PARD3B: variants seen among roughly 807,000 people sequenced by gnomAD.
PARD3B encodes par-3 family cell polarity regulator beta, also known as partitioning defective 3 homolog B.
Under a neutral mutation model 130.2 loss-of-function variants are expected in PARD3B, and 103 were observed. That is an observed-to-expected ratio of 0.79 (90% CI 0.67 to 0.93). The LOEUF is 0.93. PARD3B is among the 40% of genes least tolerant of loss of function. PARD3B has a pLI of 0.00. For synonymous variants in PARD3B, 583 were observed against 553.2 expected (o/e 1.05, Z -0.76); for missense variants, 1,609 against 1,499.2 (o/e 1.07, Z -1.21).
chr2:205,616,185 A>C lies in PARD3B; in HGVS notation c.*372A>C. The C allele has an allele frequency of 5.2e-6, 1 of 191,246 alleles. No individual in the cohort carries two copies. Among genetic ancestry groups the C allele is most frequent in the Non-Finnish European group, 1.1e-5 (1 of 94,334 alleles). The allele number at this position is 191,246 out of a possible 1,614,324, so 11.8% of individuals were successfully genotyped here. A position where few individuals can be genotyped will look rare whatever the true frequency, so the allele number is the denominator to read the frequency against. On this transcript the variant is annotated 3_prime_UTR_variant, in exon 23 of 23. Coordinates refer to ENST00000406610, the MANE Select transcript of PARD3B (RefSeq NM_001302769.2). ...TGTGCTGATGTGCAGACACGTGGAC[A>C]TCCCCCTCTGAGACTGGCGGTCCAG... is the stretch of plus-strand genomic sequence containing the variant.
chr2:204,635,400 A>G (rs2034839337), intron 1 of PARD3B, among the ~76,000 whole-genome samples: 1 of 152,206 alleles, frequency 6.6e-6, no homozygotes, highest in African/African-American at 2.4e-5. Flanking sequence ...AAGATTACAT[A>G]TGTATGTCTT....
At chr2:204,984,694 T>C (rs1692977358) in intron 3 of PARD3B, among the ~76,000 whole-genome samples, 1 of 151,990 alleles carries the variant, frequency 6.6e-6, no homozygotes, top group Non-Finnish European at 1.5e-5. Flanking sequence ...CCAGATGTCA[T>C]GGTTAGGAGG....
rs999582059 is a variant in PARD3B at position 205,458,297 on chromosome 2, C to T, written c.3044+17625C>T. 6.6e-6 allele frequency among the ~76,000 whole-genome samples: 1 copy of T among 152,136 alleles called. No homozygotes were observed. The highest frequency in any genetic ancestry group is 2.4e-5 in the African/African-American group (1 of 41,536). ...CTCTTCTTCCTCTTGTCTTCCTCCT[C>T]GTCTTCCATTTTCTTCTGTCTTTCT... is the stretch of plus-strand genomic sequence containing the variant. On this transcript the variant is annotated intron_variant, in intron 20 of 22. Coordinates refer to ENST00000406610, the MANE Select transcript of PARD3B (RefSeq NM_001302769.2). This position sits in a 1 kb window ranked among gnomAD's most constrained non-coding sequence, Gnocchi z 4.8.
chr2:205,327,069 A>G (rs1032294247), intron 18 of PARD3B, among the ~76,000 whole-genome samples: 8 of 152,182 alleles, frequency 5.3e-5, no homozygotes, highest in Non-Finnish European at 1.5e-5. Context: ...CTATCACTGT[A>G]TGTGTTCTTA....
chr2:205,604,631 T>A (rs546373307), intron 22 of PARD3B, among the ~76,000 whole-genome samples: 1 of 152,278 alleles, frequency 6.6e-6, no homozygotes, highest in African/African-American at 2.4e-5. Context: ...CTCTGGCTGC[T>A]CTTAACATTT....
At chr2:205,402,932 A>G (rs746550293) in intron 19 of PARD3B, among the ~76,000 whole-genome samples, 1 of 152,172 alleles carries the variant, frequency 6.6e-6, no homozygotes, top group South Asian at 2.1e-4. Context: ...AGGCATTTCA[A>G]CAGCTCAGGG....
At chr2:204,910,839 T>TC (rs1224608091) in intron 2 of PARD3B, among the ~76,000 whole-genome samples, 2 of 152,162 alleles carry the variant, frequency 1.3e-5, no homozygotes, top group African/African-American at 4.8e-5. Context: ...AGACTGGGTT[T>TC]CACTTTGTTA....
rs543356902 is a variant in PARD3B at position 205,548,541 on chromosome 2, C to T, written c.3181-4783C>T. ...CCTATTGCTCTTACCTCTTTGAAAT[C>T]CTAATGACACTCTCTTGTCTTCATC... On this transcript the variant is annotated intron_variant, in intron 21 of 22. Coordinates refer to ENST00000406610, the MANE Select transcript of PARD3B (RefSeq NM_001302769.2). Among the ~76,000 whole-genome samples, 5 of 152,242 alleles carry T rather than the reference C, an allele frequency of 3.3e-5. No homozygotes were observed. In the South Asian group the frequency reaches 1.0e-3, roughly 32 times the overall value.
chr2:205,432,044 G>C (rs1415818961), intron 19 of PARD3B, among the ~76,000 whole-genome samples: 2 of 152,102 alleles, frequency 1.3e-5, no homozygotes, highest in Admixed American at 6.5e-5. Context: ...TTTTTAGGTA[G>C]ATGAAATACT....
At chr2:204,674,617 T>C (rs1332403297) in intron 1 of PARD3B, among the ~76,000 whole-genome samples, 1 of 152,198 alleles carries the variant, frequency 6.6e-6, no homozygotes, top group African/African-American at 2.4e-5. Context: ...AGTTAACTTA[T>C]TTTATAAACA....
At position 205,113,529 on chromosome 2, in the gene PARD3B, G is replaced by C; in HGVS notation, c.632G>C (p.Gly211Ala). 2 of 1,613,334 alleles carry C rather than the reference G, an allele frequency of 1.2e-6. No homozygotes were observed. Among genetic ancestry groups the C allele is most frequent in the Non-Finnish European group, 1.7e-6 (2 of 1,179,574 alleles). Residue 211 changes from glycine to alanine, a missense_variant, in exon 6 of 23, where the codon GGC becomes GCC. Gly to Ala is a moderately conservative substitution (Grantham distance 60). Transcript: ENST00000406610. Reference protein sequence around the residue: ...TRTVEISGEGGPLGIHVVPFF... With the variant: ...TRTVEISGEGAPLGIHVVPFF... Reference sequence around the variant, plus strand: ...ACAGTGGAGATTTCTGGGGAAGGAGGCCCATTGGGAATACATGTAGTGCCC... The same window carrying C: ...ACAGTGGAGATTTCTGGGGAAGGAGCCCCATTGGGAATACATGTAGTGCCC...
rs147832736 is a variant in PARD3B, at chr2:205,313,293, CA to C, written c.2630+11593del. On this transcript the variant is annotated intron_variant, in intron 18 of 22. Coordinates refer to ENST00000406610, the MANE Select transcript of PARD3B (RefSeq NM_001302769.2). ...ACAGATGAGCTGCCGTGGCACCCAG[CA>C]CACAGAGTTCGCTTAATATCTGAGT... Among the ~76,000 whole-genome samples, 20 of 152,292 alleles carry C rather than the reference CA, an allele frequency of 1.3e-4. No homozygotes were observed. In the East Asian group the frequency reaches 2.9e-3, roughly 22 times the overall value.
chr2:205,362,516 G>A (rs2044428159), intron 18 of PARD3B, among the ~76,000 whole-genome samples: 1 of 152,166 alleles, frequency 6.6e-6, no homozygotes, highest in Non-Finnish European at 1.5e-5. Context: ...AGGCATAAAT[G>A]AAAATGCCCC....
rs1426416067 is a variant in PARD3B, at chr2:204,943,120, TAAGA to T, written c.223-22026_223-22023del. On this transcript the variant is annotated intron_variant, in intron 2 of 22. Transcript: ENST00000406610. The surrounding 1 kb of genome is among the most constrained non-coding windows in gnomAD (Gnocchi z 4.2). ...CCTCTTTTTAAAATTACCCCTGACT[TAAGA>T]AAGAAGTTTTTCACATTCTTAATGT... Among the ~76,000 whole-genome samples the T allele has an allele frequency of 3.3e-5, 5 of 151,724 alleles. No individual in the cohort carries two copies. Among genetic ancestry groups the T allele is most frequent in the Admixed American group, 1.3e-4 (2 of 15,262 alleles).
chr2:204,842,789 T>G (rs1271588201), intron 2 of PARD3B, among the ~76,000 whole-genome samples: 1 of 152,180 alleles, frequency 6.6e-6, no homozygotes, highest in Non-Finnish European at 1.5e-5. Flanking sequence ...AGGCCTGCGC[T>G]GTGGGCTGCT....
intron 3 of PARD3B, among the ~76,000 whole-genome samples, chr2:204,996,316 G>A (rs1251656125): frequency 1.3e-5 from 2 of 151,664 alleles, no homozygotes; most frequent in East Asian, 2.0e-4. Context: ...ACCCTCAGCT[G>A]CAGGTCTGTT....
At chr2:204,753,758 A>G (rs2040556431) in intron 2 of PARD3B, among the ~76,000 whole-genome samples, 1 of 152,134 alleles carries the variant, frequency 6.6e-6, no homozygotes, top group East Asian at 1.9e-4. Flanking sequence ...ACTTTATTCA[A>G]AATGAAATGG....
intron 11 of PARD3B, among the ~76,000 whole-genome samples, chr2:205,170,247 T>C (rs1437348160): frequency 3.3e-5 from 5 of 152,288 alleles, no homozygotes; most frequent in South Asian, 2.1e-4. Flanking sequence ...TCCCATTTCA[T>C]GTAGCCTTAT....
At chr2:205,000,690 T>A (rs1345888676) in intron 3 of PARD3B, among the ~76,000 whole-genome samples, 1 of 152,210 alleles carries the variant, frequency 6.6e-6, no homozygotes, top group East Asian at 1.9e-4. Flanking sequence ...TTATTCAAAC[T>A]TATCACATGG....
Sources: gnomAD v4.1 joint callset for allele counts (sites outside exome capture counted in the v4.1 genomes callset) on GRCh38, gnomAD v4.1.1 for gene constraint, Gnocchi (gnomAD v3.1) non-coding constraint, MANE v1.5 for transcripts, NCBI Gene and HGNC (gene_info 2026-07-23, HGNC 2026-07-21) for gene names.